LRRC9: variants seen among roughly 807,000 people sequenced by gnomAD.
The protein encoded by LRRC9 is leucine-rich repeat-containing protein 9.
LRRC9 carries 122 observed loss-of-function variants against 63.2 expected under a neutral mutation model. The observed-to-expected ratio is 1.93, with a 90% CI of 1.67 to 2.24. LRRC9 has a LOEUF of 2.24. Ranked by LOEUF, LRRC9 falls within the 30% of genes most tolerant of loss-of-function variation. The probability of loss-of-function intolerance (pLI) is 0.00; values close to 1 mark genes in which losing one functional copy is unlikely to be tolerated. For missense variants in LRRC9, 1,071 were observed against 627.7 expected (o/e 1.71, Z -7.55); for synonymous variants, 366 against 213.1 (o/e 1.72, Z -6.25).
At chr14:59,937,152 T>G (rs1171976136) in intron 6 of LRRC9, among the ~76,000 whole-genome samples, 1 of 149,382 alleles carries the variant, frequency 6.7e-6, no homozygotes, top group Non-Finnish European at 1.5e-5. Flanking sequence ...GACACAAACC[T>G]TGTTCTTCAC....
At chr14:60,047,666 A>G (rs1201671428) in intron 29 of LRRC9, among the ~76,000 whole-genome samples, 1 of 152,218 alleles carries the variant, frequency 6.6e-6, no homozygotes, top group Non-Finnish European at 1.5e-5. Context: ...GAGACCTATA[A>G]AGAGACTTAG....
chr14:60,062,986 G>T (rs566423715), intron 31 of LRRC9, among the ~76,000 whole-genome samples: 2 of 152,078 alleles, frequency 1.3e-5, no homozygotes, highest in Non-Finnish European at 2.9e-5. Context: ...CCACCTCTTG[G>T]GTTCAAGCAA....
intron 29 of LRRC9, 122 bp downstream of exon 29, chr14:60,032,185 G>C: frequency 1.8e-6 from 1 of 561,598 alleles, no homozygotes; most frequent in Non-Finnish European, 3.1e-6. Flanking sequence ...AGTCATCCCA[G>C]CCCAAATTTA....
At position 60,022,883 on chromosome 14, in the gene LRRC9, A is replaced by G. The variant is rs1164739527; in HGVS notation, c.3703+13A>G. On this transcript the variant is annotated intron_variant, in intron 27 of 31. Transcript: ENST00000445360. ...CTCTTTCTACAGGGTGAGTAGAAAC[A>G]CTGTTACTGTATAAGTCTTTATTTT... 1.6e-6 allele frequency: 1 copy of G among 622,138 alleles called. No individual in the cohort carries two copies. Among genetic ancestry groups the G allele is most frequent in the Admixed American group, 2.5e-5 (1 of 40,292 alleles). The allele number at this position is 622,138 out of a possible 1,614,324, so 38.5% of individuals were successfully genotyped here. A position where few individuals can be genotyped will look rare whatever the true frequency, so the allele number is the denominator to read the frequency against.
intron 1 of LRRC9, among the ~76,000 whole-genome samples, chr14:59,925,924 A>G (rs1889172111): frequency 6.6e-6 from 1 of 152,166 alleles, no homozygotes; most frequent in South Asian, 2.1e-4. Flanking sequence ...AGTTTCCCCC[A>G]TGTGTTCTTG....
At chr14:60,015,387 G>T (rs1031149990) in intron 23 of LRRC9, among the ~76,000 whole-genome samples, 3 of 152,124 alleles carry the variant, frequency 2.0e-5, no homozygotes, top group Non-Finnish European at 4.4e-5. Context: ...TATTATGTGG[G>T]TCTTATTTAA....
At chr14:60,005,968 A>C (rs1889772390) in intron 21 of LRRC9, among the ~76,000 whole-genome samples, 2 of 152,130 alleles carry the variant, frequency 1.3e-5, no homozygotes, top group Non-Finnish European at 2.9e-5. Flanking sequence ...GTTCATTTTA[A>C]TACAAACGAT....
At chr14:60,021,007 C>T (rs7147548) in intron 26 of LRRC9, among the ~76,000 whole-genome samples, 1 of 151,848 alleles carries the variant, frequency 6.6e-6, no homozygotes, top group Non-Finnish European at 1.5e-5. Context: ...GGGTAGATAC[C>T]TATGAGTGGA....
At chr14:59,991,818 C>T (rs1401355366) in intron 17 of LRRC9, among the ~76,000 whole-genome samples, 3 of 152,106 alleles carry the variant, frequency 2.0e-5, no homozygotes, top group Non-Finnish European at 4.4e-5. Flanking sequence ...AGCCCAGAAG[C>T]TCGAACTGCG....
chr14:59,963,764 T>G (rs545514752), intron 10 of LRRC9, among the ~76,000 whole-genome samples: 6 of 152,328 alleles, frequency 3.9e-5, no homozygotes, highest in African/African-American at 1.4e-4. Flanking sequence ...TGCTATACTA[T>G]CTCAAGGAGC....
chr14:59,953,412 A>G (rs1202419602), intron 8 of LRRC9, among the ~76,000 whole-genome samples: 1 of 152,212 alleles, frequency 6.6e-6, no homozygotes, highest in Admixed American at 6.5e-5. Flanking sequence ...ATGACCAGTG[A>G]TGATGAGCTT....
rs574250842 is a variant in LRRC9 at position 59,980,321 on chromosome 14, A to G, written c.1879-1527A>G. ...CATATATGAGGAATCTGTCTATATG[A>G]ATCTATTCTGTTCCATTGAACTCTT... is the stretch of plus-strand genomic sequence containing the variant. On this transcript the variant is annotated intron_variant, in intron 15 of 31. Coordinates refer to ENST00000445360, the Ensembl canonical transcript of LRRC9. 4.6e-5 allele frequency among the ~76,000 whole-genome samples: 7 copies of G among 152,264 alleles called. No homozygotes were observed. The South Asian group carries it at 1.5e-3, about 32-fold the overall frequency.
At chr14:59,985,544 C>G (rs1342628527) in intron 17 of LRRC9, among the ~76,000 whole-genome samples, 1 of 152,042 alleles carries the variant, frequency 6.6e-6, no homozygotes, top group African/African-American at 2.4e-5. Context: ...AGGAGTTAGG[C>G]CTGCTCTCAA....
rs139546638 is a variant in LRRC9, at chr14:60,037,978, C to G, written c.3990+5915C>G. On this transcript the variant is annotated intron_variant, in intron 29 of 31. Transcript: ENST00000445360. ...GGAAGGGATCCAGTTTCAGCTTTCT[C>G]CATATGGCCAGCCAGTTTTCCCAGC... 2.8e-3 allele frequency among the ~76,000 whole-genome samples: 431 copies of G among 152,196 alleles called. 1 individual carries two copies. The highest frequency in any genetic ancestry group is 9.7e-3 in the African/African-American group (402 of 41,538).
rs1230814888 is a variant in LRRC9, at chr14:59,938,140, A to G, written c.544-250A>G. ...CTCACATCACTGGCTTCAAGGTTCC[A>G]GCTGGAATACATGATTTAGTAAATA... On this transcript the variant is annotated intron_variant, in intron 6 of 31. Transcript: ENST00000445360. The surrounding 1 kb of genome is among the most constrained non-coding windows in gnomAD (Gnocchi z 4.2). Among the ~76,000 whole-genome samples the G allele has an allele frequency of 6.6e-6, 1 of 152,178 alleles. No homozygotes were observed. Among genetic ancestry groups the G allele is most frequent in the Non-Finnish European group, 1.5e-5 (1 of 68,016 alleles).
chr14:59,920,562 A>C (rs745717072), intron 1 of LRRC9, among the ~76,000 whole-genome samples: 13 of 152,208 alleles, frequency 8.5e-5, no homozygotes, highest in Admixed American at 5.9e-4. Flanking sequence ...GGAAAAACCA[A>C]GTGCTCCCTA....
exon 14 of LRRC9, chr14:59,977,329 C>T (rs1886399370): frequency 1.5e-6 from 1 of 688,966 alleles, no homozygotes; most frequent in Non-Finnish European, 2.6e-6. Context: ...AGTGTTCATT[C>T]CTCGGAAATA....
rs529966915 is a variant in LRRC9 at position 60,003,075 on chromosome 14, G to T, written c.2665-546G>T. On this transcript the variant is annotated intron_variant, in intron 20 of 31. Coordinates refer to ENST00000445360, the Ensembl canonical transcript of LRRC9. This position sits in a 1 kb window ranked among gnomAD's most constrained non-coding sequence, Gnocchi z 4.2. ...GTGAAGCTGCTCCCAGAAAATGGGA[G>T]ACATTACTGGCATTACTTTTATTAC... Among the ~76,000 whole-genome samples the T allele has an allele frequency of 3.9e-5, 6 of 152,332 alleles. No individual in the cohort carries two copies. The highest frequency in any genetic ancestry group is 1.4e-4 in the African/African-American group (6 of 41,584).
At chr14:60,001,270 C>G (rs941950121) in intron 19 of LRRC9, among the ~76,000 whole-genome samples, 13 of 151,976 alleles carry the variant, frequency 8.6e-5, no homozygotes, top group African/African-American at 2.4e-4. Flanking sequence ...GAAACTCTTG[C>G]ATGTATGTAC....
Sources: allele counts gnomAD v4.1 joint callset (sites outside exome capture counted in the v4.1 genomes callset), GRCh38; gene constraint gnomAD v4.1.1; non-coding constraint Gnocchi (gnomAD v3.1); transcripts MANE v1.5; gene names NCBI Gene and HGNC (gene_info 2026-07-23, HGNC 2026-07-21).